SOX5: variants seen among roughly 807,000 people sequenced by gnomAD.
SOX5 encodes transcription factor SOX-5.
Under a neutral mutation model 92.0 loss-of-function variants are expected in SOX5, and 9 were observed. The ratio of observed to expected loss-of-function variants is 0.10; its 90% CI spans 0.06 to 0.17. The LOEUF (loss-of-function observed/expected upper bound fraction) is 0.17, where lower values mean the gene tolerates loss of function less well. SOX5 is among the 10% of genes least tolerant of loss of function. SOX5 has a pLI of 1.00. For missense variants in SOX5, 642 were observed against 944.5 expected (o/e 0.68, Z 4.20); for synonymous variants, 344 against 336.3 (o/e 1.02, Z -0.25).
At chr12:23,563,071 T>G (rs1946491894) in intron 11 of SOX5, among the ~76,000 whole-genome samples, 187 bp downstream of exon 11, 1 of 152,208 alleles carries the variant, frequency 6.6e-6, no homozygotes, top group Non-Finnish European at 1.5e-5. Context: ...TCAAGAGAAT[T>G]ATAACTCTTT....
At position 23,993,895 on chromosome 12, in the gene SOX5, G is replaced by GCA. The variant is rs1274065661; in HGVS notation, c.-1-97872_-1-97871insTG. On this transcript the variant is annotated intron_variant, in intron 4 of 4. Transcript: ENST00000446891. ...TGTATGTATGTATGTATGTATGTAT[G>GCA]TATGTATGTATGTATGTATGCATGT... is the stretch of plus-strand genomic sequence containing the variant. Among the ~76,000 whole-genome samples the GCA allele has an allele frequency of 2.0e-3, 304 of 151,936 alleles. 4 individuals carry two copies. In the East Asian group the frequency reaches 0.031, roughly 15 times the overall value.
At chr12:24,101,172 T>C (rs1184410954) in intron 4 of SOX5, among the ~76,000 whole-genome samples, 1 of 152,142 alleles carries the variant, frequency 6.6e-6, no homozygotes. Context: ...AAACCAAGTC[T>C]TTCCTTGATT....
intron 1 of SOX5, among the ~76,000 whole-genome samples, chr12:23,915,539 T>C (rs2138591711): frequency 6.6e-6 from 1 of 152,256 alleles, no homozygotes; most frequent in South Asian, 2.1e-4. Context: ...ATCCTGGGCC[T>C]TCAAATAACG....
At chr12:23,942,406 A>C (rs954942920) in intron 1 of SOX5, among the ~76,000 whole-genome samples, 2 of 151,954 alleles carry the variant, frequency 1.3e-5, no homozygotes, top group African/African-American at 4.8e-5. Flanking sequence ...TAATGTAAAC[A>C]CTGACAACAT....
chr12:24,381,616 T>C (rs967270581), intron 1 of SOX5, among the ~76,000 whole-genome samples: 1 of 152,222 alleles, frequency 6.6e-6, no homozygotes, highest in Non-Finnish European at 1.5e-5. Context: ...AGCTCTCTCT[T>C]ATATTTAGAA....
chr12:23,582,655 C>T (rs1394666509), intron 9 of SOX5, among the ~76,000 whole-genome samples: 1 of 152,076 alleles, frequency 6.6e-6, no homozygotes, highest in East Asian at 1.9e-4. Context: ...TATGCTTTTG[C>T]TGTGTTAATG....
chr12:24,273,412 A>G (rs1165186176), intron 3 of SOX5, among the ~76,000 whole-genome samples: 2 of 152,186 alleles, frequency 1.3e-5, no homozygotes, highest in Non-Finnish European at 2.9e-5. Context: ...CACTTCAGCA[A>G]ATTTTGGCAT....
intron 6 of SOX5, among the ~76,000 whole-genome samples, chr12:23,667,152 A>G (rs1339735310): frequency 6.6e-6 from 1 of 152,026 alleles, no homozygotes; most frequent in Non-Finnish European, 1.5e-5. Context: ...AGGGAGAGAG[A>G]AAAGCAATAT....
At chr12:23,841,795 C>T (rs564500725) in intron 3 of SOX5, among the ~76,000 whole-genome samples, 15 of 152,014 alleles carry the variant, frequency 9.9e-5, no homozygotes, top group African/African-American at 2.4e-4. Flanking sequence ...GGGAAAAAAG[C>T]GGGATGAATA....
chr12:23,549,725 A>G (rs1943829754), intron 11 of SOX5, among the ~76,000 whole-genome samples: 2 of 151,898 alleles, frequency 1.3e-5, no homozygotes, highest in Non-Finnish European at 2.9e-5. Flanking sequence ...AAAAACTAGC[A>G]ATGGGATAAC....
intron 7 of SOX5, among the ~76,000 whole-genome samples, chr12:23,664,614 A>C (rs2083528215): frequency 6.6e-6 from 1 of 152,136 alleles, no homozygotes; most frequent in Admixed American, 6.6e-5. Context: ...CCTAAGACTA[A>C]CAATGTGCAA....
At chr12:23,898,329 A>C (rs2097197593) in intron 1 of SOX5, among the ~76,000 whole-genome samples, 1 of 152,150 alleles carries the variant, frequency 6.6e-6, no homozygotes, top group African/African-American at 2.4e-5. Flanking sequence ...TGGAATTAAT[A>C]CACTGGTATT....
intron 7 of SOX5, among the ~76,000 whole-genome samples, chr12:23,644,169 G>A (rs150376623): frequency 3.9e-5 from 6 of 152,304 alleles, no homozygotes; most frequent in African/African-American, 1.4e-4. Flanking sequence ...GGAGCAAGCC[G>A]CTAGGTTGTG....
chr12:23,993,919 GTATGCA>G, intron 4 of SOX5, among the ~76,000 whole-genome samples: 2 of 151,948 alleles, frequency 1.3e-5, no homozygotes, highest in African/African-American at 4.8e-5. Context: ...ATGTATGCAT[GTATGCA>G]TGTATGTGTG....
chr12:24,484,279 A>C (rs1946296832), intron 1 of SOX5, among the ~76,000 whole-genome samples: 1 of 152,156 alleles, frequency 6.6e-6, no homozygotes, highest in Non-Finnish European at 1.5e-5. Flanking sequence ...TAATTTTCTA[A>C]AGACTTTCCC....
intron 3 of SOX5, among the ~76,000 whole-genome samples, chr12:24,263,749 A>G (rs1942610016): frequency 6.6e-6 from 1 of 152,184 alleles, no homozygotes; most frequent in Non-Finnish European, 1.5e-5. Context: ...ACTAAGATAA[A>G]TTTGCTGAGC....
At chr12:24,197,004 C>T (rs1031401166) in intron 4 of SOX5, among the ~76,000 whole-genome samples, 1 of 152,154 alleles carries the variant, frequency 6.6e-6, no homozygotes, top group Non-Finnish European at 1.5e-5. Flanking sequence ...CTTCTTCCTG[C>T]AGATAACATT....
chr12:23,725,441 T>A (rs1191450809), intron 6 of SOX5, among the ~76,000 whole-genome samples: 1 of 152,094 alleles, frequency 6.6e-6, no homozygotes, highest in Non-Finnish European at 1.5e-5. Flanking sequence ...TGAGACTTAT[T>A]CACTATCATG....
intron 7 of SOX5, among the ~76,000 whole-genome samples, chr12:23,664,857 A>C (rs1052311062): frequency 1.3e-5 from 2 of 152,166 alleles, no homozygotes; most frequent in African/African-American, 4.8e-5. Context: ...TTTACAAATA[A>C]AAAGAAAATA....
Sources: gnomAD v4.1 joint callset for allele counts (sites outside exome capture counted in the v4.1 genomes callset) on GRCh38, gnomAD v4.1.1 for gene constraint, MANE v1.5 for transcripts, NCBI Gene and HGNC (gene_info 2026-07-23, HGNC 2026-07-21) for gene names.